LPAR1: variants seen among roughly 807,000 people sequenced by gnomAD.
The protein encoded by LPAR1 is LPA receptor 1.
In LPAR1, 5 loss-of-function variants were observed where a neutral mutation model predicts 23.8. The observed-to-expected ratio is 0.21, with a 90% CI of 0.11 to 0.44. The LOEUF (loss-of-function observed/expected upper bound fraction) is 0.44, where lower values mean the gene tolerates loss of function less well. Ranked by LOEUF, LPAR1 falls within the 20% of genes least tolerant of loss-of-function variation. LPAR1 has a pLI of 0.99. For missense variants in LPAR1, 311 were observed against 482.8 expected, an observed-to-expected ratio of 0.64 and a Z score of 3.33; for synonymous variants, 160 against 164.7, an observed-to-expected ratio of 0.97 and a Z score of 0.22.
chr9:110,943,416 C>T lies in LPAR1; in HGVS notation c.46-1248G>A, dbSNP rs1008360859. The stretch of plus-strand genomic sequence containing the variant: ...TGTACACTAAAACTTCCAAGAACAA[C>T]GTGAAATACTTAAGTGGTTAGTCTT... On this transcript the variant is annotated intron_variant, in intron 4 of 5. Coordinates refer to ENST00000683809, the MANE Select transcript of LPAR1 (RefSeq NM_001351411.2). Among the ~76,000 whole-genome samples, 9 of 152,112 alleles carry T rather than the reference C, an allele frequency of 5.9e-5. No homozygotes were observed. The East Asian group carries it at 9.6e-4, about 16-fold the overall frequency.
chr9:110,989,906 C>T (rs114111582), intron 2 of LPAR1, among the ~76,000 whole-genome samples: 3,051 of 151,800 alleles, frequency 0.02, 103 homozygotes, highest in African/African-American at 0.07. Context: ...GATAAAAAAA[C>T]GAAATACCCA....
rs1804787 is a variant in LPAR1, at chr9:110,875,185, C to G, written c.*236G>C. The G allele has an allele frequency of 0.011, 4,866 of 425,388 alleles. 202 individuals are homozygous for G. Among genetic ancestry groups the G allele is most frequent in the African/African-American group, 0.088 (4,448 of 50,640 alleles). The allele number at this position is 425,388 out of a possible 1,614,324, so 26.4% of individuals were successfully genotyped here. On this transcript the variant is annotated 3_prime_UTR_variant, in exon 6 of 6. Coordinates refer to ENST00000683809, the MANE Select transcript of LPAR1 (RefSeq NM_001351411.2). ...GTTCTTGAATTCCATTGCAAGAGCT[C>G]CAACTTCCTACTTTCAGAAGGGATG...
At chr9:111,037,823 G>A (rs1368246198) in intron 1 of LPAR1, 1 of 152,182 alleles carries the variant, frequency 6.6e-6, no homozygotes, top group Non-Finnish European at 1.5e-5. Context: ...CACTGGGCGG[G>A]CCCCGGGGCG....
chr9:110,928,775 A>G (rs2094210316), intron 5 of LPAR1, among the ~76,000 whole-genome samples: 1 of 152,208 alleles, frequency 6.6e-6, no homozygotes, highest in African/African-American at 2.4e-5. Flanking sequence ...AGCAAACCCA[A>G]TCCCTTCAGC....
intron 2 of LPAR1, among the ~76,000 whole-genome samples, chr9:111,020,820 T>C (rs555119372): frequency 6.6e-6 from 1 of 152,236 alleles, no homozygotes; most frequent in African/African-American, 2.4e-5. Context: ...CTTAAGAAGA[T>C]ATTTAACAAC....
intron 2 of LPAR1, among the ~76,000 whole-genome samples, chr9:110,987,670 G>GTA (rs34757955): frequency 0.21 from 30,942 of 147,756 alleles, 3,263 homozygotes; most frequent in South Asian, 0.29. Context: ...GAACCTACAT[G>GTA]TATATATATA....
At chr9:110,888,274 A>G (rs1455247903) in intron 5 of LPAR1, among the ~76,000 whole-genome samples, 2 of 152,196 alleles carry the variant, frequency 1.3e-5, no homozygotes, top group South Asian at 2.1e-4. Flanking sequence ...AGCAACCCCA[A>G]TTAAGCATCC....
intron 5 of LPAR1, among the ~76,000 whole-genome samples, chr9:110,919,578 A>T (rs1483094607): frequency 6.6e-6 from 1 of 152,190 alleles, no homozygotes; most frequent in Non-Finnish European, 1.5e-5. Context: ...TTTGCATGGG[A>T]ATTGCCTTTT....
chr9:110,979,566 G>GT (rs1391898196), intron 2 of LPAR1, among the ~76,000 whole-genome samples: 1 of 151,950 alleles, frequency 6.6e-6, no homozygotes, highest in East Asian at 1.9e-4. Context: ...CATGAGTTGT[G>GT]TTTTTTTAAC....
Position 110,875,418 on chromosome 9 carries a change from G to T in LPAR1, c.*3C>A. The T allele has an allele frequency of 6.2e-7, 1 of 1,605,174 alleles. No individual in the cohort carries two copies. Among genetic ancestry groups the T allele is most frequent in the Non-Finnish European group, 8.5e-7 (1 of 1,173,458 alleles). ...CGGCTGGTTCCTCATCTCAGTTTCCGTTCTAAACCACAGAGTGGTCATTGC... is the reference window on the plus strand; with the variant it reads ...CGGCTGGTTCCTCATCTCAGTTTCCTTTCTAAACCACAGAGTGGTCATTGC... On this transcript the variant is annotated 3_prime_UTR_variant, in exon 6 of 6. Coordinates refer to ENST00000683809, the MANE Select transcript of LPAR1 (RefSeq NM_001351411.2).
chr9:110,988,094 A>G (rs1397338973), intron 2 of LPAR1, among the ~76,000 whole-genome samples: 1 of 71,420 alleles, frequency 1.4e-5, no homozygotes, highest in Non-Finnish European at 2.7e-5. Flanking sequence ...AAATAATGGG[A>G]AGTGGGGGAA....
intron 2 of LPAR1, among the ~76,000 whole-genome samples, chr9:111,001,144 CAG>C (rs1421578632): frequency 6.6e-6 from 1 of 152,164 alleles, no homozygotes; most frequent in Non-Finnish European, 1.5e-5. Context: ...CTATTCAACA[CAG>C]TTCTAGACAG....
intron 2 of LPAR1, among the ~76,000 whole-genome samples, chr9:111,021,165 A>C (rs566007539): frequency 6.6e-6 from 1 of 152,330 alleles, no homozygotes; most frequent in East Asian, 1.9e-4. Context: ...TGCTGGTCAA[A>C]GGGTACAAAC....
intron 5 of LPAR1, among the ~76,000 whole-genome samples, chr9:110,904,368 G>A (rs2090484549): frequency 6.6e-6 from 1 of 152,138 alleles, no homozygotes; most frequent in African/African-American, 2.4e-5. Flanking sequence ...GCATTTAAAT[G>A]GAAATAAGGC....
chr9:110,949,023 C>T (rs1052055686), intron 4 of LPAR1, among the ~76,000 whole-genome samples: 6 of 152,066 alleles, frequency 3.9e-5, no homozygotes, highest in Admixed American at 3.3e-4. Flanking sequence ...GAAATCATGA[C>T]TCTAGTCCCA....
chr9:111,012,199 A>C (rs2097343908), intron 2 of LPAR1, among the ~76,000 whole-genome samples: 1 of 152,134 alleles, frequency 6.6e-6, no homozygotes, highest in Admixed American at 6.6e-5. Context: ...TGCAATGAGC[A>C]GTTATCATGC....
intron 5 of LPAR1, among the ~76,000 whole-genome samples, chr9:110,939,809 C>T (rs1398486072): frequency 6.6e-6 from 1 of 152,166 alleles, no homozygotes; most frequent in Non-Finnish European, 1.5e-5. Context: ...CTATGAGTAG[C>T]ACTTGTCGTA....
intron 2 of LPAR1, among the ~76,000 whole-genome samples, chr9:111,009,998 AATATATATAT>A (rs55696642): frequency 8.6e-4 from 106 of 123,414 alleles, no homozygotes; most frequent in African/African-American, 1.2e-3. Flanking sequence ...TAATTAGGAA[AATATATATAT>A]ATATATATAT....
chr9:110,890,683 A>T (rs2083858351), intron 5 of LPAR1, among the ~76,000 whole-genome samples: 1 of 152,246 alleles, frequency 6.6e-6, no homozygotes, highest in African/African-American at 2.4e-5. Flanking sequence ...CCTTTCTTTG[A>T]GAATAACTGT....
Sources: allele counts gnomAD v4.1 joint callset (sites outside exome capture counted in the v4.1 genomes callset), GRCh38; gene constraint gnomAD v4.1.1; transcripts MANE v1.5; gene names NCBI Gene and HGNC (gene_info 2026-07-23, HGNC 2026-07-21).